The following AIMP1 variants were observed in gnomAD, a reference collection of about 807,000 sequenced individuals.
AIMP1 encodes the protein aminoacyl tRNA synthetase complex interacting multifunctional protein 1, also known as aminoacyl tRNA synthase complex-interacting multifunctional protein 1.
A neutral mutation model predicts 33.1 loss-of-function variants in AIMP1; 24 were observed. That is an observed-to-expected ratio of 0.73 (90% confidence interval 0.53 to 1.02). AIMP1 has a LOEUF of 1.02. AIMP1 is among the 50% of genes least tolerant of loss of function. The pLI is 0.00. For missense variants in AIMP1, 367 were observed against 364.8 expected (o/e 1.01, Z -0.05); for synonymous variants, 120 against 121.5 (o/e 0.99, Z 0.08).
chr4:106,325,566 T>G (rs1769423869), intron 2 of AIMP1, among the ~76,000 whole-genome samples: 1 of 152,030 alleles, frequency 6.6e-6, no homozygotes, highest in African/African-American at 2.4e-5. Context: ...AGATTGGACA[T>G]AGTCATTGCT....
At position 106,331,708 on chromosome 4, in the gene AIMP1, G is replaced by A. The variant is rs893246335; in HGVS notation, c.428G>A (p.Gly143Glu). The change falls in exon 5 of 7, where the codon GGA becomes GAA. Residue 143 changes from glycine (G) to glutamate (E), a missense_variant. Gly to Glu is a moderately conservative substitution (Grantham distance 98). Transcript: ENST00000672341. ...KKEKKQQSIA[G>E]SADSKPIDVS... is the part of the protein sequence containing the mutation. ...GAGAAAAAACAGCAATCAATAGCTG[G>A]AAGTGCCGACTCTAAGCCAATAGAT... The A allele has an allele frequency of 6.8e-6, 11 of 1,614,056 alleles. No individual in the cohort carries two copies. The highest frequency in any genetic ancestry group is 9.3e-6 in the Non-Finnish European group (11 of 1,179,964).
intron 5 of AIMP1, among the ~76,000 whole-genome samples, chr4:106,334,880 A>G (rs1769815214): frequency 6.6e-6 from 1 of 152,200 alleles, no homozygotes; most frequent in South Asian, 2.1e-4. Flanking sequence ...GGGATGTTCA[A>G]GGAACAGCAG....
At chr4:106,336,351 T>A (rs1305717563) in intron 5 of AIMP1, among the ~76,000 whole-genome samples, 3 of 152,066 alleles carry the variant, frequency 2.0e-5, no homozygotes, top group Admixed American at 1.3e-4. Context: ...CAATTTTTTT[T>A]AAATTAAAAA....
At chr4:106,339,614 A>C (rs905870254) in intron 6 of AIMP1, among the ~76,000 whole-genome samples, 1 of 152,222 alleles carries the variant, frequency 6.6e-6, no homozygotes. Context: ...TATTAGCAGC[A>C]TGAGAACAGA....
rs762282782 is a variant in AIMP1, at chr4:106,325,148, T to TA, written c.109+31dup. Reference sequence around the variant, plus strand: ...GAAAATTTAAAATTTTTTGAGGAGATACTTAAAATGAATTCATACATTGAT... The same window carrying TA: ...GAAAATTTAAAATTTTTTGAGGAGATAACTTAAAATGAATTCATACATTGAT... On this transcript the variant is annotated intron_variant, in intron 2 of 6. Coordinates refer to ENST00000672341, the MANE Select transcript of AIMP1 (RefSeq NM_001142416.2). 3.8e-6 allele frequency: 6 copies of TA among 1,568,990 alleles called. No individual in the cohort carries two copies. In the Admixed American group the frequency reaches 1.0e-4, roughly 27 times the overall value.
intron 6 of AIMP1, among the ~76,000 whole-genome samples, chr4:106,344,117 T>C (rs771976480): frequency 1.3e-5 from 2 of 152,086 alleles, no homozygotes; most frequent in Non-Finnish European, 2.9e-5. Context: ...CTCCTGGTGG[T>C]CCTCCTTCTT....
chr4:106,345,551 T>C (rs906602464), intron 6 of AIMP1, among the ~76,000 whole-genome samples: 2 of 152,140 alleles, frequency 1.3e-5, no homozygotes, highest in African/African-American at 4.8e-5. Flanking sequence ...TATTGTCGAA[T>C]CAAACGTCCT....
At chr4:106,339,668 A>G (rs1026573352) in intron 6 of AIMP1, among the ~76,000 whole-genome samples, 2 of 152,236 alleles carry the variant, frequency 1.3e-5, no homozygotes, top group Non-Finnish European at 2.9e-5. Flanking sequence ...CTAAAGCAAT[A>G]ATATTAATAC....
chr4:106,330,030 G>T (rs1769615727), intron 4 of AIMP1, among the ~76,000 whole-genome samples: 1 of 151,910 alleles, frequency 6.6e-6, no homozygotes, highest in African/African-American at 2.4e-5. Context: ...TGATCCACCT[G>T]CCTCAGCCTC....
At chr4:106,331,566 T>C in intron 4 of AIMP1, 106 bp from the exon 5 acceptor site, 3 of 937,298 alleles carry the variant, frequency 3.2e-6, no homozygotes, top group Non-Finnish European at 5.1e-6. Context: ...AACATTCTTT[T>C]TATTTTTTCC....
rs771520713 is a variant in AIMP1 at position 106,337,045 on chromosome 4, T to C, written c.772+8T>C. On this transcript the variant is annotated splice_region_variant and intron_variant, in intron 6 of 6. Transcript: ENST00000672341. ...CTTTTGATGCTTTCCCAGGTAGGTA[T>C]TTATTAGTAATTACTTAATAGTTTC... The C allele has an allele frequency of 6.2e-7, 1 of 1,611,574 alleles. No individual in the cohort carries two copies. Among genetic ancestry groups the C allele is most frequent in the South Asian group, 1.1e-5 (1 of 91,016 alleles).
intron 5 of AIMP1, among the ~76,000 whole-genome samples, chr4:106,332,531 A>G (rs1769720311): frequency 6.6e-6 from 1 of 151,094 alleles, no homozygotes; most frequent in African/African-American, 2.4e-5. Flanking sequence ...ACTATATACA[A>G]CTGTCAGTTA....
chr4:106,347,503 T>A, intron 6 of AIMP1, 23 bp from the exon 7 acceptor site: 1 of 1,603,726 alleles, frequency 6.2e-7, no homozygotes, highest in Non-Finnish European at 8.5e-7. Context: ...GTAATTTTCT[T>A]GTGCTTTTTT....
chr4:106,317,152 A>G (rs1391471272), intron 1 of AIMP1, among the ~76,000 whole-genome samples: 1 of 152,202 alleles, frequency 6.6e-6, no homozygotes, highest in African/African-American at 2.4e-5. Flanking sequence ...TGACACAGGA[A>G]GGTCTTGCTG....
intron 1 of AIMP1, among the ~76,000 whole-genome samples, chr4:106,324,592 A>G (rs1769392064): frequency 6.6e-6 from 1 of 152,164 alleles, no homozygotes; most frequent in Middle Eastern, 3.4e-3. Flanking sequence ...AGGATCCAGT[A>G]TACAGAAATA....
chr4:106,324,536 T>G (rs1172386479), intron 1 of AIMP1, among the ~76,000 whole-genome samples: 1 of 152,082 alleles, frequency 6.6e-6, no homozygotes, highest in East Asian at 1.9e-4. Flanking sequence ...CTTTCCTAAT[T>G]GACGTTTTCT....
At chr4:106,332,524 A>G (rs929135442) in intron 5 of AIMP1, among the ~76,000 whole-genome samples, 3 of 151,300 alleles carry the variant, frequency 2.0e-5, no homozygotes, top group Admixed American at 1.3e-4. Flanking sequence ...ATTTCTTACT[A>G]TATACAACTG....
At chr4:106,345,725 G>A (rs1424315971) in intron 6 of AIMP1, among the ~76,000 whole-genome samples, 1 of 151,492 alleles carries the variant, frequency 6.6e-6, no homozygotes, top group Admixed American at 6.6e-5. Flanking sequence ...CATAGTTTCT[G>A]AAGAGCTAAT....
chr4:106,332,285 C>T (rs1042199751), intron 5 of AIMP1, among the ~76,000 whole-genome samples: 4 of 151,770 alleles, frequency 2.6e-5, no homozygotes, highest in African/African-American at 4.8e-5. Context: ...GTTCAATCTC[C>T]GTGATCCCCT....
Sources: allele counts gnomAD v4.1 joint callset (sites outside exome capture counted in the v4.1 genomes callset), GRCh38; gene constraint gnomAD v4.1.1; transcripts MANE v1.5; gene names NCBI Gene and HGNC (gene_info 2026-07-23, HGNC 2026-07-21).